The following SMYD3 variants were observed in gnomAD, a reference collection of about 807,000 sequenced individuals.
The protein encoded by SMYD3 is SET and MYND domain containing 3, also known as histone-lysine N-methyltransferase SMYD3.
A neutral mutation model predicts 57.7 loss-of-function variants in SMYD3; 36 were observed. That is an observed-to-expected ratio of 0.62 (90% CI 0.48 to 0.82). The LOEUF is 0.82. SMYD3 is among the 40% of genes least tolerant of loss of function. The pLI, the probability that SMYD3 is intolerant of heterozygous loss-of-function variation, is 0.00. For missense variants in SMYD3, 515 were observed against 538.8 expected, an observed-to-expected ratio of 0.96 and a Z score of 0.44; for synonymous variants, 211 against 195.0, an observed-to-expected ratio of 1.08 and a Z score of -0.68.
intron 5 of SMYD3, among the ~76,000 whole-genome samples, chr1:246,253,528 A>C (rs569358199): frequency 6.6e-6 from 1 of 152,190 alleles, no homozygotes; most frequent in South Asian, 2.1e-4. Context: ...GTTGCTAGGC[A>C]CCTAGGATGA....
chr1:246,494,089 C>G (rs1261991919), intron 1 of SMYD3, among the ~76,000 whole-genome samples: 1 of 152,202 alleles, frequency 6.6e-6, no homozygotes, highest in Non-Finnish European at 1.5e-5. Context: ...AATCAGGACT[C>G]CTACACAAAT....
chr1:245,756,157 C>T (rs192730170), intron 11 of SMYD3, among the ~76,000 whole-genome samples: 26 of 148,288 alleles, frequency 1.8e-4, no homozygotes, highest in African/African-American at 5.9e-4. Flanking sequence ...ATATAATATA[C>T]ATGTGTATGC....
chr1:245,774,137 G>C (rs1400355987), intron 10 of SMYD3, among the ~76,000 whole-genome samples: 1 of 152,208 alleles, frequency 6.6e-6, no homozygotes, highest in Non-Finnish European at 1.5e-5. Context: ...CAGAATGTGA[G>C]TGAAGAAGGA....
At chr1:246,212,247 A>C (rs891878030) in intron 5 of SMYD3, among the ~76,000 whole-genome samples, 2 of 152,116 alleles carry the variant, frequency 1.3e-5, no homozygotes, top group Non-Finnish European at 2.9e-5. Context: ...CAATTATTTC[A>C]AGGAAATAAA....
chr1:246,070,357 T>C (rs369736768), intron 5 of SMYD3, among the ~76,000 whole-genome samples: 4 of 152,350 alleles, frequency 2.6e-5, no homozygotes, highest in Admixed American at 6.5e-5. Context: ...TATACTCTCT[T>C]GGTGTTTTAG....
intron 8 of SMYD3, among the ~76,000 whole-genome samples, chr1:245,898,022 A>C (rs1425704457): frequency 2.0e-5 from 3 of 152,136 alleles, no homozygotes; most frequent in African/African-American, 7.2e-5. Flanking sequence ...GCAGGGAAAA[A>C]CTGCTCTGGC....
At chr1:245,985,892 G>GCCT (rs1236545446) in intron 5 of SMYD3, among the ~76,000 whole-genome samples, 1 of 152,062 alleles carries the variant, frequency 6.6e-6, no homozygotes, top group Non-Finnish European at 1.5e-5. Flanking sequence ...CTTGAAACCT[G>GCCT]CCTCCATTAC....
At chr1:246,193,738 C>G (rs1216624765) in intron 5 of SMYD3, 1 of 122,466 alleles carries the variant, frequency 8.2e-6, no homozygotes, top group African/African-American at 2.6e-5. Flanking sequence ...AGCAGCACAA[C>G]AGCACACTTC....
intron 5 of SMYD3, chr1:246,326,712 C>G (rs762419026): frequency 1.1e-5 from 3 of 280,510 alleles, no homozygotes; most frequent in Non-Finnish European, 2.0e-5. Context: ...TGCAGTGAGC[C>G]GAGATCGCAC....
intron 5 of SMYD3, among the ~76,000 whole-genome samples, chr1:246,320,481 G>A (rs10924690): frequency 0.2 from 30,359 of 152,000 alleles, 3,149 homozygotes; most frequent in African/African-American, 0.22. Context: ...ATAAAGTTCA[G>A]CAGTACTTTG....
chr1:245,966,088 T>C (rs1188963303), intron 5 of SMYD3, among the ~76,000 whole-genome samples: 1 of 152,212 alleles, frequency 6.6e-6, no homozygotes, highest in Non-Finnish European at 1.5e-5. Context: ...TTTACACAAC[T>C]AAGCCTTGAT....
chr1:245,776,552 G>A (rs2046606431), intron 10 of SMYD3, among the ~76,000 whole-genome samples: 1 of 152,198 alleles, frequency 6.6e-6, no homozygotes. Context: ...CTCATGTGAT[G>A]TTGTTGACAT....
At chr1:246,275,423 T>C (rs2064312215) in intron 5 of SMYD3, among the ~76,000 whole-genome samples, 1 of 107,948 alleles carries the variant, frequency 9.3e-6, no homozygotes, top group African/African-American at 3.1e-5. Context: ...TGGAGTCTGA[T>C]GCCCATGTTT....
intron 5 of SMYD3, among the ~76,000 whole-genome samples, chr1:246,208,323 C>A (rs2063032859): frequency 6.6e-6 from 1 of 152,038 alleles, no homozygotes; most frequent in Non-Finnish European, 1.5e-5. Flanking sequence ...TTACGAGGAG[C>A]TGATATGACT....
intron 5 of SMYD3, among the ~76,000 whole-genome samples, chr1:246,238,500 C>T (rs2063546892): frequency 6.6e-6 from 1 of 152,114 alleles, no homozygotes; most frequent in Admixed American, 6.5e-5. Context: ...GCAGCATTCA[C>T]AATATTATAA....
At chr1:245,791,622 G>T (rs1334329018) in intron 10 of SMYD3, among the ~76,000 whole-genome samples, 1 of 136,236 alleles carries the variant, frequency 7.3e-6, no homozygotes, top group Non-Finnish European at 1.6e-5. Context: ...AAGAGAGAGG[G>T]GGGCAGACAG....
chr1:245,836,811 A>C (rs929629957), intron 10 of SMYD3, among the ~76,000 whole-genome samples: 1 of 152,196 alleles, frequency 6.6e-6, no homozygotes, highest in African/African-American at 2.4e-5. Context: ...AACCTTGACA[A>C]GGCAAAGCAA....
intron 5 of SMYD3, among the ~76,000 whole-genome samples, chr1:246,279,902 G>A (rs1330765805): frequency 6.6e-6 from 1 of 152,122 alleles, no homozygotes; most frequent in African/African-American, 2.4e-5. Flanking sequence ...TAGTATCTTG[G>A]GGGGAAAGTG....
intron 5 of SMYD3, among the ~76,000 whole-genome samples, chr1:246,209,783 C>A (rs1018167126): frequency 6.6e-6 from 1 of 152,140 alleles, no homozygotes; most frequent in African/African-American, 2.4e-5. Context: ...CCCCTCCCCA[C>A]TAAGGAATAA....
Sources: allele counts gnomAD v4.1 joint callset (sites outside exome capture counted in the v4.1 genomes callset), GRCh38; gene constraint gnomAD v4.1.1; transcripts MANE v1.5; gene names NCBI Gene and HGNC (gene_info 2026-07-23, HGNC 2026-07-21).